CELF4: variants seen among roughly 807,000 people sequenced by gnomAD.
CELF4 encodes CUG-BP- and ETR-3-like factor 4.
A neutral mutation model predicts 59.9 loss-of-function variants in CELF4; 18 were observed. The observed-to-expected ratio is 0.30, with a 90% CI of 0.21 to 0.45. The LOEUF (loss-of-function observed/expected upper bound fraction) is 0.45. Ranked by LOEUF, CELF4 falls within the 20% of genes least tolerant of loss-of-function variation. The probability of loss-of-function intolerance (pLI) is 1.00; values close to 1 mark genes in which losing one functional copy is unlikely to be tolerated. For synonymous variants in CELF4, 261 were observed against 267.1 expected, an observed-to-expected ratio of 0.98 and a Z score of 0.22; for missense variants, 456 against 689.0, an observed-to-expected ratio of 0.66 and a Z score of 3.79.
chr18:37,531,519 T>C (rs1260812049), intron 1 of CELF4, among the ~76,000 whole-genome samples: 1 of 152,212 alleles, frequency 6.6e-6, no homozygotes, highest in Non-Finnish European at 1.5e-5. Context: ...CGCATGCCGA[T>C]CTGCAGCTCT....
At chr18:37,446,029 G>A (rs1261318143) in intron 2 of CELF4, among the ~76,000 whole-genome samples, 3 of 152,140 alleles carry the variant, frequency 2.0e-5, no homozygotes, top group Admixed American at 1.3e-4. Context: ...TCAGAGTGGC[G>A]AGAGCCCGGA....
chr18:37,251,616 G>C (rs146639090), intron 12 of CELF4, among the ~76,000 whole-genome samples: 25 of 152,270 alleles, frequency 1.6e-4, no homozygotes, highest in African/African-American at 5.8e-4. Flanking sequence ...GCCCAAAGAG[G>C]ACAAGCACCC....
intron 3 of CELF4, among the ~76,000 whole-genome samples, chr18:37,285,366 C>T (rs1331429487): frequency 6.6e-6 from 1 of 152,230 alleles, no homozygotes; most frequent in Non-Finnish European, 1.5e-5. Context: ...GCAGAATCTC[C>T]TCTAACTGCA....
chr18:37,423,247 C>A (rs117855108), intron 2 of CELF4, among the ~76,000 whole-genome samples: 3,589 of 152,322 alleles, frequency 0.024, 65 homozygotes, highest in Non-Finnish European at 0.039. Context: ...CAGGTGTGCC[C>A]TGTCCTTGGC....
intron 2 of CELF4, among the ~76,000 whole-genome samples, chr18:37,467,208 T>G (rs1355688704): frequency 6.6e-6 from 1 of 152,152 alleles, no homozygotes; most frequent in Non-Finnish European, 1.5e-5. Context: ...ACATTCCACA[T>G]CAGAGTGCCC....
chr18:37,249,338 A>C (rs1005624636), intron 12 of CELF4, among the ~76,000 whole-genome samples: 8 of 151,410 alleles, frequency 5.3e-5, no homozygotes, highest in African/African-American at 1.9e-4. Flanking sequence ...ACTCCCTGGG[A>C]CTCTCCTCTT....
intron 1 of CELF4, among the ~76,000 whole-genome samples, chr18:37,541,533 C>T (rs193087975): frequency 1.1e-4 from 16 of 152,262 alleles, no homozygotes; most frequent in South Asian, 8.3e-4. Context: ...ACACAGCAGC[C>T]GAAAGATCTC....
chr18:37,476,386 C>T (rs1171070214), intron 2 of CELF4, among the ~76,000 whole-genome samples: 12 of 152,144 alleles, frequency 7.9e-5, no homozygotes, highest in Admixed American at 7.9e-4. Flanking sequence ...CACATGGCGC[C>T]CCCTGGTGGG....
intron 3 of CELF4, among the ~76,000 whole-genome samples, chr18:37,290,521 G>A (rs1441325232): frequency 2.0e-5 from 3 of 152,164 alleles, no homozygotes; most frequent in South Asian, 4.1e-4. Context: ...TGGAAATGCT[G>A]ATCCAAGAAG....
intron 2 of CELF4, among the ~76,000 whole-genome samples, chr18:37,398,265 G>A (rs1375877036): frequency 1.3e-5 from 2 of 152,212 alleles, no homozygotes; most frequent in Non-Finnish European, 2.9e-5. Flanking sequence ...AGTCAGAAGG[G>A]AGAGGGGGCT....
chr18:37,318,937 G>A (rs1449544776), intron 3 of CELF4, among the ~76,000 whole-genome samples: 1 of 152,146 alleles, frequency 6.6e-6, no homozygotes, highest in African/African-American at 2.4e-5. Context: ...TGGGTCGGTG[G>A]CCCTTGTTCA....
chr18:37,347,942 G>A lies in CELF4; in HGVS notation c.370-26061C>T, dbSNP rs572023877. Among the ~76,000 whole-genome samples the A allele has an allele frequency of 3.1e-4, 47 of 152,208 alleles. No homozygotes were observed. In the East Asian group the frequency reaches 4.9e-3, roughly 16 times the overall value. On this transcript the variant is annotated intron_variant, in intron 2 of 12. Transcript: ENST00000420428. ...CTTCTTCGAGAGAGATACCTCCCAC[G>A]TTCCCAGCTCAGAAGGGGCCAACCA...
chr18:37,445,048 T>C (rs1041651079), intron 2 of CELF4, among the ~76,000 whole-genome samples: 1 of 152,080 alleles, frequency 6.6e-6, no homozygotes, highest in Non-Finnish European at 1.5e-5. Context: ...CATGTAACTG[T>C]AACTTTGGTG....
intron 2 of CELF4, among the ~76,000 whole-genome samples, chr18:37,477,591 G>A (rs1335189104): frequency 1.3e-5 from 2 of 152,170 alleles, no homozygotes; most frequent in African/African-American, 4.8e-5. Flanking sequence ...TGGTGGTGTG[G>A]GCTCCTGCAG....
intron 2 of CELF4, among the ~76,000 whole-genome samples, chr18:37,323,181 GC>G (rs2154523383): frequency 6.6e-6 from 1 of 152,072 alleles, no homozygotes; most frequent in African/African-American, 2.4e-5. Context: ...CAGAGCCGTG[GC>G]CGGGAAGGAC....
intron 2 of CELF4, among the ~76,000 whole-genome samples, chr18:37,403,527 G>C (rs1320391380): frequency 6.6e-6 from 1 of 152,110 alleles, no homozygotes; most frequent in Non-Finnish European, 1.5e-5. Context: ...CTCCATGTTT[G>C]CATGTGACTC....
At chr18:37,544,350 C>A (rs946109863) in intron 1 of CELF4, among the ~76,000 whole-genome samples, 5 of 152,148 alleles carry the variant, frequency 3.3e-5, no homozygotes, top group Non-Finnish European at 7.3e-5. Context: ...CCAACTCACA[C>A]AGCTTGTCAG....
intron 2 of CELF4, among the ~76,000 whole-genome samples, chr18:37,484,160 G>A (rs1251435377): frequency 6.6e-6 from 1 of 152,076 alleles, no homozygotes; most frequent in African/African-American, 2.4e-5. Flanking sequence ...TTCCATTTGG[G>A]TGGCTCTAAA....
chr18:37,425,355 G>A (rs1187431917), intron 2 of CELF4, among the ~76,000 whole-genome samples: 1 of 152,200 alleles, frequency 6.6e-6, no homozygotes, highest in East Asian at 1.9e-4. Context: ...GCCCCTCCGG[G>A]GCTCTAACCC....
Sources: allele counts gnomAD v4.1 joint callset (sites outside exome capture counted in the v4.1 genomes callset), GRCh38; gene constraint gnomAD v4.1.1; transcripts MANE v1.5; gene names NCBI Gene and HGNC (gene_info 2026-07-23, HGNC 2026-07-21).